AIG1: variants seen among roughly 807,000 people sequenced by gnomAD.
AIG1 encodes the protein androgen induced 1.
AIG1 carries 23 observed loss-of-function variants against 31.4 expected under a neutral mutation model. The ratio of observed to expected loss-of-function variants is 0.73; its 90% CI spans 0.53 to 1.04. The LOEUF is 1.04. Ranked by LOEUF, AIG1 falls within the 50% of genes least tolerant of loss-of-function variation. The pLI, the probability that AIG1 is intolerant of heterozygous loss-of-function variation, is 0.00. For missense variants in AIG1, 274 were observed against 295.0 expected (o/e 0.93, Z 0.52); for synonymous variants, 100 against 110.5 (o/e 0.90, Z 0.60).
intron 3 of AIG1, chr6:143,189,713 A>G (rs1789612109): frequency 2.0e-6 from 2 of 985,366 alleles, no homozygotes; most frequent in Non-Finnish European, 1.2e-6. Flanking sequence ...GAAGAACACA[A>G]TTTCCCTCAA....
intron 1 of AIG1, among the ~76,000 whole-genome samples, chr6:143,067,321 G>A (rs764372599): frequency 6.6e-6 from 1 of 152,164 alleles, no homozygotes; most frequent in Non-Finnish European, 1.5e-5. Flanking sequence ...GCTAGGTGAA[G>A]GCATTTTTGT....
chr6:143,225,291 T>A (rs1400156271), intron 3 of AIG1, among the ~76,000 whole-genome samples: 3 of 152,194 alleles, frequency 2.0e-5, no homozygotes, highest in Non-Finnish European at 4.4e-5. Flanking sequence ...TATATTGTAG[T>A]TGATCAGGTT....
rs910363030 is a variant in AIG1, at chr6:143,075,653, G to A, written c.141+14587G>A. 4.4e-4 allele frequency among the ~76,000 whole-genome samples: 67 copies of A among 151,880 alleles called. 1 individual carries two copies. Among genetic ancestry groups the A allele is most frequent in the African/African-American group, 1.6e-3 (67 of 41,332 alleles). The stretch of plus-strand genomic sequence containing the variant: ...TATTTTCTTCCTTTTGTTTGTTTTG[G>A]GTTTGTTTTGTTCTTCTTTAACTAA... On this transcript the variant is annotated intron_variant, in intron 1 of 5. Coordinates refer to ENST00000357847, the MANE Select transcript of AIG1 (RefSeq NM_016108.4).
At chr6:143,314,704 T>C (rs1775592025) in intron 4 of AIG1, among the ~76,000 whole-genome samples, 1 of 152,106 alleles carries the variant, frequency 6.6e-6, no homozygotes, top group Non-Finnish European at 1.5e-5. Context: ...TGCATGGCAA[T>C]ACCCAATATT....
At chr6:143,166,130 CA>C (rs1403510172) in intron 3 of AIG1, among the ~76,000 whole-genome samples, 3 of 152,114 alleles carry the variant, frequency 2.0e-5, no homozygotes, top group African/African-American at 7.2e-5. Context: ...GTCTAACAAA[CA>C]AACATCACTG....
intron 1 of AIG1, among the ~76,000 whole-genome samples, chr6:143,095,746 A>G (rs1228544956): frequency 6.6e-6 from 1 of 152,050 alleles, no homozygotes; most frequent in African/African-American, 2.4e-5. Context: ...TCATCCCTTT[A>G]TTACTGCATT....
rs1003310757 is a variant in AIG1 at position 143,334,806 on chromosome 6, TA to T, written c.679+1362del. On this transcript the variant is annotated intron_variant, in intron 5 of 5. Coordinates refer to ENST00000357847, the MANE Select transcript of AIG1 (RefSeq NM_016108.4). This position sits in a 1 kb window ranked among gnomAD's most constrained non-coding sequence, Gnocchi z 5.1. Reference sequence around the variant, plus strand: ...TTCAGGAAGTACTTAAGTACCTGCTTACACTTGACTTGATTGATTTGACAGT... The same window carrying T: ...TTCAGGAAGTACTTAAGTACCTGCTTCACTTGACTTGATTGATTTGACAGT... Among the ~76,000 whole-genome samples the T allele has an allele frequency of 6.9e-4, 105 of 152,222 alleles. 1 individual carries two copies. The highest frequency in any genetic ancestry group is 2.5e-3 in the African/African-American group (104 of 41,462).
chr6:143,238,080 A>G (rs1793947259), intron 3 of AIG1, among the ~76,000 whole-genome samples: 1 of 152,156 alleles, frequency 6.6e-6, no homozygotes, highest in South Asian at 2.1e-4. Flanking sequence ...AACTGGGACT[A>G]CAGGCGCCTA....
At chr6:143,238,143 G>A (rs1793953019) in intron 3 of AIG1, among the ~76,000 whole-genome samples, 1 of 152,128 alleles carries the variant, frequency 6.6e-6, no homozygotes, top group Non-Finnish European at 1.5e-5. Context: ...GTTTCACCAT[G>A]TTGGCCAGGC....
intron 3 of AIG1, chr6:143,189,431 G>A (rs1375908321): frequency 4.1e-6 from 4 of 981,522 alleles, no homozygotes; most frequent in Non-Finnish European, 4.8e-6. Context: ...TAAAGTATTT[G>A]CAAAATAGTT....
intron 3 of AIG1, among the ~76,000 whole-genome samples, chr6:143,250,540 G>T (rs550743816): frequency 6.6e-6 from 1 of 152,314 alleles, no homozygotes; most frequent in East Asian, 1.9e-4. Context: ...AGGATCTTGA[G>T]AGGAGTTTAT....
In AIG1 at chr6:143,284,074, A is replaced by G; in HGVS notation, c.400-36A>G. ...AAAACAACTATAGAGAGACAATGAT[A>G]GCAATCTGTGTCACCTAGTCTCTGT... On this transcript the variant is annotated intron_variant, in intron 3 of 5. Coordinates refer to ENST00000357847, the MANE Select transcript of AIG1 (RefSeq NM_016108.4). This position sits in a 1 kb window ranked among gnomAD's most constrained non-coding sequence, Gnocchi z 4.4. 1 of 1,469,006 alleles carries G rather than the reference A, an allele frequency of 6.8e-7. No individual in the cohort carries two copies. The allele number at this position is 1,469,006 out of a possible 1,614,324, so 91.0% of individuals were successfully genotyped here.
intron 3 of AIG1, among the ~76,000 whole-genome samples, chr6:143,166,298 C>G (rs1370198972): frequency 2.0e-5 from 3 of 152,116 alleles, no homozygotes; most frequent in Admixed American, 6.5e-5. Flanking sequence ...TGGGTCTTGT[C>G]AGTTCAATTT....
intron 4 of AIG1, among the ~76,000 whole-genome samples, chr6:143,290,532 T>C (rs1797989137): frequency 6.6e-6 from 1 of 152,136 alleles, no homozygotes; most frequent in Admixed American, 6.5e-5. Flanking sequence ...CATATAACAA[T>C]TAAACTCCAC....
chr6:143,214,951 T>C (rs189982083), intron 3 of AIG1, among the ~76,000 whole-genome samples: 7 of 152,274 alleles, frequency 4.6e-5, no homozygotes, highest in African/African-American at 1.2e-4. Context: ...TGTACAAATA[T>C]ACCGTGGTGT....
rs147768712 is a variant in AIG1, at chr6:143,320,532, G to T, written c.516-12750G>T. Among the ~76,000 whole-genome samples the T allele has an allele frequency of 4.9e-3, 744 of 152,248 alleles. 4 individuals carry two copies. The highest frequency in any genetic ancestry group is 0.017 in the African/African-American group (705 of 41,540). ...GGAATGTTATTCAGCCCTTAAAAAG[G>T]AATAAATCCTTCCATTTGCTAAAAT... On this transcript the variant is annotated intron_variant, in intron 4 of 5. Coordinates refer to ENST00000357847, the MANE Select transcript of AIG1 (RefSeq NM_016108.4).
rs931899470 is a variant in AIG1 at position 143,187,641 on chromosome 6, T to A, written c.399+22458T>A. The A allele has an allele frequency of 3.9e-6, 6 of 1,535,994 alleles. No individual in the cohort carries two copies. The African/African-American group carries it at 5.5e-5, about 14-fold the overall frequency. ...TTTCTTTCTGCAGCATTTCAAAGCT[T>A]AAAGTTTTCTTGGCACGCTTTTCAA... On this transcript the variant is annotated intron_variant, in intron 3 of 5. Transcript: ENST00000357847.
At chr6:143,294,127 G>A (rs1381465372) in intron 4 of AIG1, among the ~76,000 whole-genome samples, 1 of 152,070 alleles carries the variant, frequency 6.6e-6, no homozygotes, top group Admixed American at 6.6e-5. Flanking sequence ...CTGGACTCTG[G>A]CCTCATACCC....
intron 3 of AIG1, among the ~76,000 whole-genome samples, chr6:143,184,425 G>A (rs1789035517): frequency 6.6e-6 from 1 of 152,208 alleles, no homozygotes; most frequent in African/African-American, 2.4e-5. Flanking sequence ...TTCTGCCTCT[G>A]ATACAAGGAC....
Sources: allele counts gnomAD v4.1 joint callset (sites outside exome capture counted in the v4.1 genomes callset), GRCh38; gene constraint gnomAD v4.1.1; non-coding constraint Gnocchi (gnomAD v3.1); transcripts MANE v1.5; gene names NCBI Gene and HGNC (gene_info 2026-07-23, HGNC 2026-07-21).